COP1: variants seen among roughly 807,000 people sequenced by gnomAD.
The protein encoded by COP1 is E3 ubiquitin-protein ligase COP1.
Under a neutral mutation model 101.3 loss-of-function variants are expected in COP1, and 24 were observed. That is an observed-to-expected ratio of 0.24 (90% confidence interval 0.17 to 0.33). The LOEUF (loss-of-function observed/expected upper bound fraction) is 0.33. Among genes scored for constraint, COP1 ranks in the 10% least tolerant of loss-of-function variants. COP1 has a pLI of 1.00. For missense variants in COP1, 663 were observed against 906.2 expected, an observed-to-expected ratio of 0.73 and a Z score of 3.45; for synonymous variants, 347 against 341.9, an observed-to-expected ratio of 1.01 and a Z score of -0.17.
At chr1:175,964,884 A>C (rs1651808918) in intron 18 of COP1, among the ~76,000 whole-genome samples, 1 of 152,216 alleles carries the variant, frequency 6.6e-6, no homozygotes, top group African/African-American at 2.4e-5. Flanking sequence ...ATTCCTTAAT[A>C]TTCTCTCCAT....
At chr1:176,145,496 C>T (rs886412868) in intron 6 of COP1, among the ~76,000 whole-genome samples, 1 of 152,050 alleles carries the variant, frequency 6.6e-6, no homozygotes, top group Non-Finnish European at 1.5e-5. Context: ...TCATCAATTC[C>T]ACTTCTAAAT....
chr1:176,164,950 A>C (rs1254877891), intron 3 of COP1, among the ~76,000 whole-genome samples: 2 of 152,218 alleles, frequency 1.3e-5, no homozygotes, highest in Admixed American at 1.3e-4. Flanking sequence ...CACAGAGAGC[A>C]TAAGTAACTT....
At chr1:175,955,479 G>A (rs1331461449) in intron 18 of COP1, among the ~76,000 whole-genome samples, 2 of 152,066 alleles carry the variant, frequency 1.3e-5, no homozygotes, top group African/African-American at 2.4e-5. Context: ...CACTGTATTA[G>A]AGGTACAACC....
Position 176,160,303 on chromosome 1 carries a change from G to A in COP1, c.762+2566C>T, listed in dbSNP as rs184750053. ...TTTTTTACTTTAAGTTCTGGGACAC[G>A]AGTGCAGAATGTGTAGGTTTGTTAC... On this transcript the variant is annotated intron_variant, in intron 5 of 19. Coordinates refer to ENST00000367669, the MANE Select transcript of COP1 (RefSeq NM_022457.7). The A allele has an allele frequency of 1.4e-3, 515 of 360,090 alleles. 2 individuals carry two copies. The highest frequency in any genetic ancestry group is 2.4e-3 in the Non-Finnish European group (459 of 191,334). 22.3% of individuals were successfully genotyped at this position (360,090 alleles called of 1,614,324 possible).
At chr1:176,014,014 A>G (rs1367067448) in intron 15 of COP1, among the ~76,000 whole-genome samples, 1 of 152,202 alleles carries the variant, frequency 6.6e-6, no homozygotes, top group Non-Finnish European at 1.5e-5. Context: ...GATTAATTAT[A>G]TGAAGCTATT....
intron 15 of COP1, among the ~76,000 whole-genome samples, chr1:176,000,421 C>T (rs1661314352): frequency 6.6e-6 from 1 of 151,976 alleles, no homozygotes; most frequent in East Asian, 1.9e-4. Context: ...GTGTGCTATA[C>T]TTTTATTTAA....
chr1:176,200,768 A>T (rs1458666474), intron 1 of COP1, among the ~76,000 whole-genome samples: 1 of 152,232 alleles, frequency 6.6e-6, no homozygotes, highest in African/African-American at 2.4e-5. Context: ...AACTTGGCTC[A>T]TACACACATA....
chr1:175,968,433 G>A (rs763364829), intron 18 of COP1: 8 of 519,008 alleles, frequency 1.5e-5, no homozygotes, highest in East Asian at 5.4e-5. Context: ...TTAGCCAGCT[G>A]TCCTAAGCCA....
At chr1:176,184,537 C>A in intron 2 of COP1, 96 bp downstream of exon 2, 4 of 953,220 alleles carry the variant, frequency 4.2e-6, no homozygotes, top group South Asian at 3.2e-5. Context: ...GTAACATAAT[C>A]AAAGTTGGTT....
At chr1:175,988,249 A>C (rs1365399489) in intron 17 of COP1, 39 bp downstream of exon 17, 1 of 1,568,698 alleles carries the variant, frequency 6.4e-7, no homozygotes, top group Non-Finnish European at 8.7e-7. Context: ...AATAACAAAC[A>C]CCTGTTAAAA....
chr1:176,101,124 G>C (rs1028135139), intron 9 of COP1, among the ~76,000 whole-genome samples: 12 of 152,166 alleles, frequency 7.9e-5, no homozygotes, highest in African/African-American at 2.9e-4. Context: ...ACATGGGTAA[G>C]AGTGAATACT....
intron 11 of COP1, among the ~76,000 whole-genome samples, chr1:176,080,708 C>A (rs573263144): frequency 1.3e-5 from 2 of 152,154 alleles, no homozygotes; most frequent in South Asian, 4.1e-4. Context: ...AATTATAATG[C>A]TAAATCAAGA....
At chr1:176,067,912 C>CCT (rs1237262556) in intron 11 of COP1, among the ~76,000 whole-genome samples, 1 of 152,224 alleles carries the variant, frequency 6.6e-6, no homozygotes, top group African/African-American at 2.4e-5. Context: ...CTGTCTGTCC[C>CCT]CTCCCCATAG....
intron 15 of COP1, among the ~76,000 whole-genome samples, chr1:175,995,678 C>T (rs1220728192): frequency 1.3e-5 from 2 of 152,124 alleles, no homozygotes; most frequent in Non-Finnish European, 2.9e-5. Flanking sequence ...ACACATACAC[C>T]CTCCCAAGAC....
At chr1:176,049,190 A>G (rs1463019881) in intron 11 of COP1, among the ~76,000 whole-genome samples, 1 of 147,900 alleles carries the variant, frequency 6.8e-6, no homozygotes, top group Non-Finnish European at 1.5e-5. Flanking sequence ...AAAAAAAAAA[A>G]AAAAAAAAAA....
chr1:176,129,627 T>C (rs1553277715), intron 8 of COP1, among the ~76,000 whole-genome samples: 5 of 151,830 alleles, frequency 3.3e-5, no homozygotes, highest in Non-Finnish European at 7.4e-5. Context: ...CTGGATCTTA[T>C]AAAGCATACC....
intron 15 of COP1, among the ~76,000 whole-genome samples, chr1:175,995,636 T>C (rs1006452054): frequency 1.1e-4 from 17 of 152,034 alleles, no homozygotes; most frequent in African/African-American, 4.1e-4. Flanking sequence ...CAAATAAACT[T>C]GAAAATCTAG....
intron 15 of COP1, among the ~76,000 whole-genome samples, chr1:175,989,929 G>C (rs899204874): frequency 2.0e-5 from 3 of 151,986 alleles, no homozygotes; most frequent in Non-Finnish European, 2.9e-5. Context: ...GAGTATTTCT[G>C]CACTCCGATA....
chr1:176,143,265 A>G (rs1691036080), intron 6 of COP1, among the ~76,000 whole-genome samples: 1 of 152,176 alleles, frequency 6.6e-6, no homozygotes, highest in South Asian at 2.1e-4. Context: ...GAAAATTGAG[A>G]TGACATAAAC....
Sources: allele counts gnomAD v4.1 joint callset (sites outside exome capture counted in the v4.1 genomes callset), GRCh38; gene constraint gnomAD v4.1.1; transcripts MANE v1.5; gene names NCBI Gene and HGNC (gene_info 2026-07-23, HGNC 2026-07-21).